Variants in COL5A2 observed in about 807,000 individuals in gnomAD.
COL5A2 encodes collagen type V alpha 2 chain.
Under a neutral mutation model 208.2 loss-of-function variants are expected in COL5A2, and 23 were observed. That is an observed-to-expected ratio of 0.11 (90% confidence interval 0.08 to 0.16). The LOEUF (loss-of-function observed/expected upper bound fraction) is 0.16. COL5A2 is among the 10% of genes least tolerant of loss of function. The pLI is 1.00. For synonymous variants in COL5A2, 625 were observed against 628.5 expected (o/e 0.99, Z 0.08); for missense variants, 1,590 against 1,956.4 (o/e 0.81, Z 3.53).
At chr2:189,169,161 T>C (rs1298919306) in intron 1 of COL5A2, among the ~76,000 whole-genome samples, 1 of 152,038 alleles carries the variant, frequency 6.6e-6, no homozygotes, top group Non-Finnish European at 1.5e-5. Context: ...CAATGCAGAG[T>C]GGAAAACAGG....
chr2:189,379,181 C>A, the COL5A2 span, among the ~76,000 whole-genome samples: 1 of 152,180 alleles, frequency 6.6e-6, no homozygotes, highest in African/African-American at 2.4e-5. Flanking sequence ...GAAGCCCATC[C>A]ATATGTCCTA....
At chr2:189,370,665 T>G in the COL5A2 span, among the ~76,000 whole-genome samples, 1 of 152,060 alleles carries the variant, frequency 6.6e-6, no homozygotes, top group Non-Finnish European at 1.5e-5. Context: ...ACAACATACA[T>G]AGATAATAAA....
At chr2:189,079,892 T>G (rs1686493031) in intron 14 of COL5A2, 86 bp downstream of exon 14, 12 of 1,124,278 alleles carry the variant, frequency 1.1e-5, no homozygotes, top group Non-Finnish European at 1.5e-5. Flanking sequence ...TCCTGCTGAA[T>G]TAAGGTGGTT....
At chr2:189,154,060 A>C (rs1486853017) in intron 1 of COL5A2, among the ~76,000 whole-genome samples, 1 of 152,190 alleles carries the variant, frequency 6.6e-6, no homozygotes, top group Non-Finnish European at 1.5e-5. Flanking sequence ...TCAATGTTAT[A>C]GTGTCTTGAA....
In COL5A2 at chr2:189,171,430, C is replaced by T. The variant is rs151325588; in HGVS notation, c.97+8078G>A. On this transcript the variant is annotated intron_variant, in intron 1 of 53. Coordinates refer to ENST00000374866, the MANE Select transcript of COL5A2 (RefSeq NM_000393.5). ...ATGAATTTAGATGCTATCACAGTAACTGAGGGATAGATGATGAGGGCCTAA... is the reference window on the plus strand; with the variant it reads ...ATGAATTTAGATGCTATCACAGTAATTGAGGGATAGATGATGAGGGCCTAA... Among the ~76,000 whole-genome samples, 959 of 152,124 alleles carry T rather than the reference C, an allele frequency of 6.3e-3. 11 individuals are homozygous for T. The highest frequency in any genetic ancestry group is 0.022 in the African/African-American group (893 of 41,482).
chr2:189,193,287 T>A (rs565165561), intron 1 of COL5A2, among the ~76,000 whole-genome samples: 65 of 152,136 alleles, frequency 4.3e-4, no homozygotes, highest in African/African-American at 1.6e-3. Context: ...TCTAATAGGA[T>A]GAACTAAAAG....
intron 1 of COL5A2, among the ~76,000 whole-genome samples, chr2:189,193,272 A>G (rs1392699650): frequency 6.6e-6 from 1 of 152,228 alleles, no homozygotes; most frequent in Non-Finnish European, 1.5e-5. Flanking sequence ...CAACTTGAGC[A>G]TTGATCTAAT....
chr2:189,373,748 G>T, the COL5A2 span, among the ~76,000 whole-genome samples: 1 of 152,164 alleles, frequency 6.6e-6, no homozygotes, highest in African/African-American at 2.4e-5. Context: ...GAGAAACTTA[G>T]ATCCTAAGAG....
the COL5A2 span, among the ~76,000 whole-genome samples, chr2:189,417,448 T>TC: frequency 6.6e-6 from 1 of 151,704 alleles, no homozygotes; most frequent in African/African-American, 2.4e-5. Flanking sequence ...TCTTTTTTTT[T>TC]CACATTTGGT....
At chr2:189,293,488 T>A in the COL5A2 span, among the ~76,000 whole-genome samples, 1 of 152,150 alleles carries the variant, frequency 6.6e-6, no homozygotes, top group Non-Finnish European at 1.5e-5. Context: ...TAATACACTA[T>A]TATCTGACTG....
the COL5A2 span, among the ~76,000 whole-genome samples, chr2:189,311,061 G>C: frequency 6.6e-6 from 1 of 152,068 alleles, no homozygotes; most frequent in East Asian, 1.9e-4. Context: ...GGTGACTCTT[G>C]CTACTCAGCA....
chr2:189,323,701 G>T, the COL5A2 span, among the ~76,000 whole-genome samples: 3 of 152,198 alleles, frequency 2.0e-5, no homozygotes, highest in Non-Finnish European at 4.4e-5. Context: ...AACATTCCAT[G>T]CTCATGGATA....
intron 1 of COL5A2, among the ~76,000 whole-genome samples, chr2:189,127,954 A>G (rs898982276): frequency 8.5e-5 from 13 of 152,074 alleles, no homozygotes; most frequent in African/African-American, 3.1e-4. Context: ...GTCTATATAA[A>G]TAAGGTCATA....
At chr2:189,176,685 T>G (rs1465445091) in intron 1 of COL5A2, among the ~76,000 whole-genome samples, 1 of 151,680 alleles carries the variant, frequency 6.6e-6, no homozygotes, top group Non-Finnish European at 1.5e-5. Flanking sequence ...ACCACCCCAA[T>G]GCACACACAC....
At position 189,195,081 on chromosome 2, in the gene COL5A2, AG is replaced by A. The variant is rs948973453; in HGVS notation, c.-42+30066del. 5.4e-4 allele frequency among the ~76,000 whole-genome samples: 83 copies of A among 152,322 alleles called. 1 individual carries two copies. In the Middle Eastern group the frequency reaches 0.01, roughly 19 times the overall value. On this transcript the variant is annotated intron_variant, in intron 1 of 10. Coordinates refer to the COL5A2 transcript ENST00000649966. ...TCTATTTAGAAAACCCCATTGTCTCAGCCCCAAAACTCCTTAAGCTGATAGG... is the reference window on the plus strand; with the variant it reads ...TCTATTTAGAAAACCCCATTGTCTCACCCCAAAACTCCTTAAGCTGATAGG...
At chr2:189,258,732 A>G in the COL5A2 span, among the ~76,000 whole-genome samples, 1 of 152,150 alleles carries the variant, frequency 6.6e-6, no homozygotes, top group African/African-American at 2.4e-5. Flanking sequence ...TTCACCTAAA[A>G]GAGGAAGGAC....
intron 8 of COL5A2, among the ~76,000 whole-genome samples, chr2:189,087,243 C>G (rs1013407528): frequency 6.6e-6 from 1 of 152,022 alleles, no homozygotes; most frequent in African/African-American, 2.4e-5. Context: ...GAGTTGAAAA[C>G]GATTTGGGGC....
chr2:189,204,055 G>A (rs1689113015), intron 1 of COL5A2, among the ~76,000 whole-genome samples: 1 of 151,932 alleles, frequency 6.6e-6, no homozygotes, highest in Non-Finnish European at 1.5e-5. Flanking sequence ...CCGCCACCAC[G>A]CCCGGCTAAT....
chr2:189,119,746 A>G (rs997509056), intron 1 of COL5A2, among the ~76,000 whole-genome samples: 4 of 152,108 alleles, frequency 2.6e-5, no homozygotes, highest in African/African-American at 9.6e-5. Context: ...CAGAATACTT[A>G]TTTCTTGCTA....
Sources: gnomAD v4.1 joint callset for allele counts (sites outside exome capture counted in the v4.1 genomes callset) on GRCh38, gnomAD v4.1.1 for gene constraint, MANE v1.5 for transcripts, NCBI Gene and HGNC (gene_info 2026-07-23, HGNC 2026-07-21) for gene names.